ZNF497: variants seen among roughly 807,000 people sequenced by gnomAD.
ZNF497 encodes zinc finger-like protein.
For synonymous variants in ZNF497, 422 were observed against 313.7 expected, an observed-to-expected ratio of 1.35 and a Z score of -3.65; for missense variants, 930 against 714.0, an observed-to-expected ratio of 1.30 and a Z score of -3.45.
intron 1 of ZNF497, among the ~76,000 whole-genome samples, chr19:58,362,214 G>C (rs60584902): frequency 0.047 from 7,179 of 152,304 alleles, 534 homozygotes; most frequent in African/African-American, 0.16. Context: ...AACAAATACG[G>C]AGTGGATAAA....
rs146922768 is a variant in ZNF497 at position 58,359,586 on chromosome 19, A to G, written c.-111-1001T>C. The G allele has an allele frequency of 6.9e-3, 2,767 of 400,970 alleles. 20 individuals carry two copies. The highest frequency in any genetic ancestry group is 0.01 in the Non-Finnish European group (1,986 of 196,472). 24.8% of individuals were successfully genotyped at this position (400,970 alleles called of 1,614,324 possible). On this transcript the variant is annotated intron_variant, in intron 1 of 2. Coordinates refer to ENST00000311044, the MANE Select transcript of ZNF497 (RefSeq NM_198458.3). ...CTGTCTCCTTGGCACCCTTCATCCC[A>G]CACACAGAACAACTAAGACAGAGAC... is the stretch of plus-strand genomic sequence containing the variant.
chr19:58,360,926 C>T (rs1473615490), intron 1 of ZNF497, among the ~76,000 whole-genome samples: 4 of 151,688 alleles, frequency 2.6e-5, no homozygotes, highest in South Asian at 2.1e-4. Flanking sequence ...GGACTACAGG[C>T]GCCTGCCACC....
In ZNF497 at chr19:58,356,269, T is replaced by G. The variant is rs772527092; in HGVS notation, c.1367A>C (p.Glu456Ala). 6 of 1,600,182 alleles carry G rather than the reference T, an allele frequency of 3.7e-6. No individual in the cohort carries two copies. The African/African-American group carries it at 5.4e-5, about 14-fold the overall frequency. Reference protein sequence around the residue: ...HCSKAFVRKSELLSHRRTHTG... With the variant: ...HCSKAFVRKSALLSHRRTHTG... ...GTGCGTGCGCCGGTGGCTTAAGAGCTCCGACTTGCGCACGAAGGCCTTGCT... is the reference window on the plus strand; with the variant it reads ...GTGCGTGCGCCGGTGGCTTAAGAGCGCCGACTTGCGCACGAAGGCCTTGCT... The change falls in exon 3 of 3, where the codon GAG becomes GCG. Residue 456 changes from glutamate to alanine, a missense_variant. Coordinates refer to ENST00000311044, the MANE Select transcript of ZNF497 (RefSeq NM_198458.3).
In ZNF497 at chr19:58,357,639, G is replaced by A. The variant is rs1233027221; in HGVS notation, c.-4C>T. The stretch of plus-strand genomic sequence containing the variant: ...TCCACCCTCTTGGGGACTCCATCTC[G>A]CGCCTGTGACCTAAAACAGGAGAGA... On this transcript the variant is annotated 5_prime_UTR_variant, in exon 3 of 3. Coordinates refer to ENST00000311044, the MANE Select transcript of ZNF497 (RefSeq NM_198458.3). 3 of 1,518,908 alleles carry A rather than the reference G, an allele frequency of 2.0e-6. No homozygotes were observed. The highest frequency in any genetic ancestry group is 2.6e-6 in the Non-Finnish European group (3 of 1,135,676). 94.1% of individuals were successfully genotyped at this position (1,518,908 alleles called of 1,614,324 possible).
rs370667293 is a variant in ZNF497 at position 58,356,539 on chromosome 19, G to A, written c.1097C>T (p.Ala366Val). 3.2e-6 allele frequency: 5 copies of A among 1,549,304 alleles called. No homozygotes were observed. The African/African-American group carries it at 4.1e-5, about 13-fold the overall frequency. The stretch of plus-strand genomic sequence containing the variant: ...CAGTAGGTTGGAGCGCTGGCTGAAG[G>A]CCTTGCCGCACTGGGCGCACGCATG... ...KPHACAQCGK[A>V]FSQRSNLLSH... Residue 366 changes from alanine to valine, a missense_variant, in exon 3 of 3, where the codon GCC becomes GTC. By Grantham distance (64) the Ala-to-Val change is moderately conservative. Transcript: ENST00000311044.
rs756210419 is a variant in ZNF497, at chr19:58,356,102, CGT to C, written c.*35_*36del. Reference sequence around the variant, plus strand: ...ACTCACGCCCGAGACCCCGCAATGCCGTGTGTCCGCGACCTCCCGCTCAGGGC... The same window carrying C: ...ACTCACGCCCGAGACCCCGCAATGCCGTGTCCGCGACCTCCCGCTCAGGGC... On this transcript the variant is annotated 3_prime_UTR_variant, in exon 3 of 3. Coordinates refer to ENST00000311044, the MANE Select transcript of ZNF497 (RefSeq NM_198458.3). 53 of 1,498,964 alleles carry C rather than the reference CGT, an allele frequency of 3.5e-5. No homozygotes were observed. The highest frequency in any genetic ancestry group is 2.8e-4 in the South Asian group (21 of 75,304). 92.9% of individuals were successfully genotyped at this position (1,498,964 alleles called of 1,614,324 possible). A position where few individuals can be genotyped will look rare whatever the true frequency, so the allele number is the denominator to read the frequency against.
At chr19:58,360,874 C>T (rs1026399660) in intron 1 of ZNF497, among the ~76,000 whole-genome samples, 9 of 141,074 alleles carry the variant, frequency 6.4e-5, no homozygotes, top group East Asian at 4.2e-4. Context: ...CTCTGCCTCC[C>T]GGGTTCATAC....
In ZNF497 at chr19:58,356,468, C is replaced by T. The variant is rs1444518448; in HGVS notation, c.1168G>A (p.Asp390Asn). Residue 390 changes from aspartate to asparagine, a missense_variant, in exon 3 of 3, where the codon GAC becomes AAC. Transcript: ENST00000311044. ...CTGCCGCGGAAGGCCTTGCCGCAGT[C>T]GGCGCAGGCGAAGGGCTTGGCGCCC... is the stretch of plus-strand genomic sequence containing the variant. Reference protein sequence around the residue: ...HSGAKPFACADCGKAFRGSSG... With the variant: ...HSGAKPFACANCGKAFRGSSG... 2 of 1,552,790 alleles carry T rather than the reference C, an allele frequency of 1.3e-6. No individual in the cohort carries two copies. The highest frequency in any genetic ancestry group is 1.7e-6 in the Non-Finnish European group (2 of 1,154,984).
chr19:58,358,025 GGA>G, intron 2 of ZNF497: 1 of 1,222,446 alleles, frequency 8.2e-7, no homozygotes, highest in Non-Finnish European at 1.0e-6. Flanking sequence ...TCAAGAAGGT[GGA>G]GACTCCAGTT....
chr19:58,356,448 G>T lies in ZNF497; in HGVS notation c.1188C>A (p.Arg396=). 1.3e-6 allele frequency: 2 copies of T among 1,558,666 alleles called. No homozygotes were observed. Residue 396 remains arginine (R), a synonymous_variant, in exon 3 of 3, where the codon CGC becomes CGA. Coordinates refer to ENST00000311044, the MANE Select transcript of ZNF497 (RefSeq NM_198458.3). ...FACADCGKAF[R]GSSGLAHHRL... ...GGTGGTGCGCCAGGCCGGAACTGCC[G>T]CGGAAGGCCTTGCCGCAGTCGGCGC...
chr19:58,358,039 G>C, intron 2 of ZNF497: 3 of 1,215,508 alleles, frequency 2.5e-6, no homozygotes, highest in Non-Finnish European at 3.1e-6. Context: ...ACTCCAGTTT[G>C]TGAGGAACAC....
At chr19:58,360,874 C>G (rs1026399660) in intron 1 of ZNF497, among the ~76,000 whole-genome samples, 2 of 141,076 alleles carry the variant, frequency 1.4e-5, no homozygotes, top group Non-Finnish European at 3.0e-5. Context: ...CTCTGCCTCC[C>G]GGGTTCATAC....
At chr19:58,360,372 CT>C (rs974859388) in intron 1 of ZNF497, among the ~76,000 whole-genome samples, 41 of 144,090 alleles carry the variant, frequency 2.8e-4, no homozygotes, top group African/African-American at 7.0e-4. Flanking sequence ...TTTTCTTTTT[CT>C]TTTTTTTTTT....
Position 58,356,801 on chromosome 19 carries a change from A to C in ZNF497, c.835T>G (p.Cys279Gly), listed in dbSNP as rs757317783. 2 of 1,579,046 alleles carry C rather than the reference A, an allele frequency of 1.3e-6. No homozygotes were observed. Among genetic ancestry groups the C allele is most frequent in the Admixed American group, 3.6e-5 (2 of 56,108 alleles). ...GCCACACGCACGAAGGCCTTGCCGC[A>C]GTCGGGACAGGCGTGTGGCCGTGCG... The part of the protein sequence containing the change: ...AGARPHACPD[C>G]GKAFVRVAGL... Residue 279 changes from cysteine (C) to glycine (G), a missense_variant, in exon 3 of 3, where the codon TGC (cysteine) becomes GGC (glycine). Physicochemically the swap from Cys to Gly is radical, Grantham distance 159. Coordinates refer to ENST00000311044, the MANE Select transcript of ZNF497 (RefSeq NM_198458.3).
rs755752998 is a variant in ZNF497 at position 58,357,064 on chromosome 19, C to G, written c.572G>C (p.Arg191Pro). ...QETHSGLKPF[R>P]CPDCGKSFGR... ...GAAGGACTTGCCGCAGTCCGGGCAGCGGAAGGGCTTCAGGCCGCTGTGTGT... is the reference window on the plus strand; with the variant it reads ...GAAGGACTTGCCGCAGTCCGGGCAGGGGAAGGGCTTCAGGCCGCTGTGTGT... The change falls in exon 3 of 3, where the codon CGC (arginine) becomes CCC (proline). Residue 191 changes from arginine (R) to proline (P), a missense_variant. Physicochemically the swap from Arg to Pro is moderately radical, Grantham distance 103. Coordinates refer to ENST00000311044, the MANE Select transcript of ZNF497 (RefSeq NM_198458.3). 13 of 1,609,810 alleles carry G rather than the reference C, an allele frequency of 8.1e-6. No individual in the cohort carries two copies. The highest frequency in any genetic ancestry group is 8.5e-7 in the Non-Finnish European group (1 of 1,178,618).
Position 58,355,572 on chromosome 19 carries a change from C to G in ZNF497, c.*567G>C, listed in dbSNP as rs80194396. 6.6e-6 allele frequency: 1 copy of G among 152,430 alleles called. No homozygotes were observed. The highest frequency in any genetic ancestry group is 2.4e-5 in the African/African-American group (1 of 41,454). 9.4% of individuals were successfully genotyped at this position (152,430 alleles called of 1,614,324 possible). A position where few individuals can be genotyped will look rare whatever the true frequency, so the allele number is the denominator to read the frequency against. On this transcript the variant is annotated 3_prime_UTR_variant, in exon 3 of 3. Coordinates refer to ENST00000311044, the MANE Select transcript of ZNF497 (RefSeq NM_198458.3). ...ACACAGGTGAGATTCTGAGATTGAT[C>G]TGGTTCTGACCTCGGTCAGGAATGC...
Position 58,357,122 on chromosome 19 carries a change from G to C in ZNF497, c.514C>G (p.Arg172Gly), listed in dbSNP as rs1363076550. Reference sequence around the variant, plus strand: ...TGGTGGATGAGCTGCGAGTGCGCGCGGAAGGCCTTGCCGCACTCCCTGCAA... The same window carrying C: ...TGGTGGATGAGCTGCGAGTGCGCGCCGAAGGCCTTGCCGCACTCCCTGCAA... ...YACRECGKAF[R>G]AHSQLIHHQE... Residue 172 changes from arginine (R) to glycine (G), a missense_variant, in exon 3 of 3, where the codon CGC becomes GGC. Physicochemically the swap from Arg to Gly is moderately radical, Grantham distance 125. Transcript: ENST00000311044. The C allele has an allele frequency of 2.5e-6, 4 of 1,608,224 alleles. No homozygotes were observed. Among genetic ancestry groups the C allele is most frequent in the Non-Finnish European group, 3.4e-6 (4 of 1,176,490 alleles).
chr19:58,361,776 AC>A (rs761434712), intron 1 of ZNF497, among the ~76,000 whole-genome samples: 5 of 152,344 alleles, frequency 3.3e-5, no homozygotes, highest in East Asian at 1.9e-4. Context: ...TTTTAAAAAA[AC>A]GACATCTGAT....
intron 1 of ZNF497, chr19:58,359,348 G>A (rs1277970043): frequency 4.6e-6 from 5 of 1,089,666 alleles, no homozygotes; most frequent in Non-Finnish European, 6.2e-6. Context: ...GTGAGCCTGT[G>A]AGCACAGCAA....
Sources: gnomAD v4.1 joint callset for allele counts (sites outside exome capture counted in the v4.1 genomes callset) on GRCh38, gnomAD v4.1.1 for gene constraint, MANE v1.5 for transcripts, NCBI Gene and HGNC (gene_info 2026-07-23, HGNC 2026-07-21) for gene names.